PARP9: variants seen among roughly 807,000 people sequenced by gnomAD.
The protein encoded by PARP9 is protein mono-ADP-ribosyltransferase PARP9.
Under a neutral mutation model 68.8 loss-of-function variants are expected in PARP9, and 48 were observed. The ratio of observed to expected loss-of-function variants is 0.70; its 90% confidence interval spans 0.55 to 0.89. The LOEUF (loss-of-function observed/expected upper bound fraction) is 0.89. Ranked by LOEUF, PARP9 falls within the 40% of genes least tolerant of loss-of-function variation. The pLI is 0.00. For synonymous variants in PARP9, 309 were observed against 333.8 expected (o/e 0.93, Z 0.81); for missense variants, 806 against 969.3 (o/e 0.83, Z 2.24).
In PARP9 at chr3:122,552,457, T is replaced by C. The variant is rs1559859271; in HGVS notation, c.1068A>G (p.Ile356Met). The C allele has an allele frequency of 6.2e-7, 1 of 1,614,090 alleles. No homozygotes were observed. The highest frequency in any genetic ancestry group is 8.5e-7 in the Non-Finnish European group (1 of 1,180,004). The change falls in exon 5 of 11, where the codon ATA becomes ATG. Residue 356 changes from isoleucine to methionine, a missense_variant. Physicochemically the swap from Ile to Met is conservative, Grantham distance 10 (BLOSUM62 1). Around this residue, in one of 2 missense-constraint regions of PARP9, gnomAD observed 680 missense variants for 858.8 expected, o/e 0.79. Transcript: ENST00000682323. ...ATTCTGAATGCCACAGTACATGGTA[T>C]ATATATTTACAGAACAAGTTAAATC... ...TKGFNLFCKYIYHVLWHSEFP... is the reference protein window; with the variant it reads ...TKGFNLFCKYMYHVLWHSEFP...
intron 1 of PARP9, among the ~76,000 whole-genome samples, chr3:122,560,913 C>T (rs1478865407): frequency 6.6e-6 from 1 of 152,190 alleles, no homozygotes; most frequent in Non-Finnish European, 1.5e-5. Flanking sequence ...AATGTTGCAC[C>T]TGTTTCTGTC....
chr3:122,563,971 A>G (rs2080463905), intron 1 of PARP9: 2 of 156,542 alleles, frequency 1.3e-5, no homozygotes, highest in Non-Finnish European at 2.8e-5. Flanking sequence ...ACAGGTCACA[A>G]TTACCAGATG....
intron 7 of PARP9, among the ~76,000 whole-genome samples, chr3:122,544,484 T>C (rs2078530898): frequency 6.6e-6 from 1 of 152,064 alleles, no homozygotes. Context: ...CTTCCTTACT[T>C]ACAGCACTGC....
chr3:122,542,259 T>C (rs1189330286), intron 7 of PARP9, among the ~76,000 whole-genome samples: 1 of 126,978 alleles, frequency 7.9e-6, no homozygotes, highest in Non-Finnish European at 1.6e-5. Flanking sequence ...TACTACTACT[T>C]TTTTTTTTTT....
chr3:122,532,083 T>G, intron 10 of PARP9: 2 of 921,228 alleles, frequency 2.2e-6, no homozygotes, highest in Non-Finnish European at 2.6e-6. Flanking sequence ...CTCTGGTGGG[T>G]GCAGTCCCTC....
In PARP9 at chr3:122,529,612, G is replaced by C. The variant is rs574320204; in HGVS notation, c.2081-869C>G. Among the ~76,000 whole-genome samples the C allele has an allele frequency of 2.0e-5, 3 of 152,120 alleles. No homozygotes were observed. In the South Asian group the frequency reaches 6.2e-4, roughly 32 times the overall value. On this transcript the variant is annotated intron_variant, in intron 10 of 10. Coordinates refer to ENST00000682323, the MANE Select transcript of PARP9 (RefSeq NM_001146105.2). ...AAAAAAAATACAAAAAAATTAGCCGGGCGCAGTTGGGGGCGCCTGTAGTCC... is the reference window on the plus strand; with the variant it reads ...AAAAAAAATACAAAAAAATTAGCCGCGCGCAGTTGGGGGCGCCTGTAGTCC...
intron 8 of PARP9, among the ~76,000 whole-genome samples, chr3:122,539,350 C>T (rs905627828): frequency 6.6e-6 from 1 of 152,124 alleles, no homozygotes; most frequent in South Asian, 2.1e-4. Flanking sequence ...TCTGTGTGCT[C>T]GTCAAGGTCC....
At chr3:122,546,968 CTATATATATATATATATATATATATATA>C (rs57337681) in intron 6 of PARP9, among the ~76,000 whole-genome samples, 31 of 70,152 alleles carry the variant, frequency 4.4e-4, no homozygotes, top group South Asian at 9.6e-4. Context: ...ATACATGGCA[CTATATATATATATATATATATATATATA>C]TATATATATA....
In PARP9 at chr3:122,532,145, G is replaced by T. The variant is rs375065572; in HGVS notation, c.2081-3402C>A. The T allele has an allele frequency of 4.0e-5, 39 of 985,422 alleles. No homozygotes were observed. The African/African-American group carries it at 6.5e-4, about 16-fold the overall frequency. 61.0% of individuals were successfully genotyped at this position (985,422 alleles called of 1,614,324 possible). A position where few individuals can be genotyped will look rare whatever the true frequency, so the allele number is the denominator to read the frequency against. ...GTGGCAATGGCTGGAGAAGTCTCTG[G>T]AGCAGGTGAGGACCACTACCCAAGA... On this transcript the variant is annotated intron_variant, in intron 10 of 10. Coordinates refer to ENST00000682323, the MANE Select transcript of PARP9 (RefSeq NM_001146105.2).
At chr3:122,560,157 A>T (rs2080068144) in intron 1 of PARP9, among the ~76,000 whole-genome samples, 1 of 152,174 alleles carries the variant, frequency 6.6e-6, no homozygotes. Context: ...AGAGCCTGTG[A>T]GGGGGGTGTA....
Position 122,540,547 on chromosome 3 carries a change from T to G in PARP9, c.1690A>C (p.Asn564His). 1 of 1,614,236 alleles carries G rather than the reference T, an allele frequency of 6.2e-7. No homozygotes were observed. The highest frequency in any genetic ancestry group is 8.5e-7 in the Non-Finnish European group (1 of 1,180,046). ...ACTTTACAAAGCATATCTTCAATGTTCATAACCACCTCAATGAGGTCAGCC... is the reference window on the plus strand; with the variant it reads ...ACTTTACAAAGCATATCTTCAATGTGCATAACCACCTCAATGAGGTCAGCC... ...ARADLIEVVM[N>H]IEDMLCKVQE... The change falls in exon 8 of 11, where the codon AAC (asparagine) becomes CAC (histidine). Residue 564 changes from asparagine to histidine, a missense_variant. This residue lies in a region of PARP9 where 680 missense variants were observed against 858.8 expected (regional missense o/e 0.79). Coordinates refer to ENST00000682323, the MANE Select transcript of PARP9 (RefSeq NM_001146105.2).
intron 5 of PARP9, among the ~76,000 whole-genome samples, chr3:122,551,569 G>A (rs1018975489): frequency 2.6e-5 from 4 of 151,946 alleles, no homozygotes; most frequent in African/African-American, 4.8e-5. Context: ...GCGCGATCTC[G>A]GCTCACTGCA....
At chr3:122,545,286 G>C (rs2078613971) in intron 7 of PARP9, 146 bp downstream of exon 7, 3 of 750,110 alleles carry the variant, frequency 4.0e-6, no homozygotes, top group Non-Finnish European at 6.9e-6. Context: ...TCAGGGTAGA[G>C]AGTAGGCAGG....
chr3:122,562,785 T>A (rs1576452964), intron 1 of PARP9, among the ~76,000 whole-genome samples: 1 of 152,228 alleles, frequency 6.6e-6, no homozygotes, highest in South Asian at 2.1e-4. Flanking sequence ...TTTTTCCTAC[T>A]GCCCATTGTA....
rs72960472 is a variant in PARP9, at chr3:122,532,007, A to T, written c.2081-3264T>A. On this transcript the variant is annotated intron_variant, in intron 10 of 10. Coordinates refer to ENST00000682323, the MANE Select transcript of PARP9 (RefSeq NM_001146105.2). ...AGCCCTGGGAGTCAAGAGGGGGCAG[A>T]ACAATGGAAATCTCGGAATAAGAAC... 6.9e-3 allele frequency: 2,793 copies of T among 407,218 alleles called. 78 individuals are homozygous for T. Among genetic ancestry groups the T allele is most frequent in the African/African-American group, 0.058 (2,664 of 46,054 alleles). The allele number at this position is 407,218 out of a possible 1,614,324, so 25.2% of individuals were successfully genotyped here.
At chr3:122,536,493 C>T (rs2077655721) in intron 9 of PARP9, 151 bp from the exon 10 acceptor site, 17 of 1,336,702 alleles carry the variant, frequency 1.3e-5, no homozygotes, top group African/African-American at 3.0e-5. Flanking sequence ...AAGAGTCTCT[C>T]CTCCCTCTAA....
At chr3:122,533,392 G>A (rs1465037309) in intron 10 of PARP9, 1 of 152,192 alleles carries the variant, frequency 6.6e-6, no homozygotes, top group Non-Finnish European at 1.5e-5. Context: ...ATGTCAAAAA[G>A]AGAGTGAGAC....
chr3:122,557,717 A>G (rs1204019336), intron 3 of PARP9, among the ~76,000 whole-genome samples: 1 of 152,240 alleles, frequency 6.6e-6, no homozygotes, highest in East Asian at 1.9e-4. Context: ...TACCTTTCAC[A>G]GTGAATTTTT....
chr3:122,562,917 C>T (rs1274657930), intron 1 of PARP9, among the ~76,000 whole-genome samples: 2 of 152,172 alleles, frequency 1.3e-5, no homozygotes, highest in Non-Finnish European at 2.9e-5. Flanking sequence ...GTACACAGGT[C>T]ACTTCACACA....
Sources: gnomAD v4.1 joint callset for allele counts (sites outside exome capture counted in the v4.1 genomes callset) on GRCh38, gnomAD v4.1.1 for gene constraint, gnomAD v4.1.1 regional missense constraint, MANE v1.5 for transcripts, NCBI Gene and HGNC (gene_info 2026-07-23, HGNC 2026-07-21) for gene names.